The following OSBPL10 variants were observed in gnomAD, a reference collection of about 807,000 sequenced individuals.
OSBPL10 encodes oxysterol binding protein like 10.
Under a neutral mutation model 81.7 loss-of-function variants are expected in OSBPL10, and 49 were observed. The observed-to-expected ratio is 0.60, with a 90% CI of 0.48 to 0.76. The LOEUF is 0.76. Ranked by LOEUF, OSBPL10 falls within the 30% of genes least tolerant of loss-of-function variation. The pLI, the probability that OSBPL10 is intolerant of heterozygous loss-of-function variation, is 0.00. For synonymous variants in OSBPL10, 419 were observed against 383.6 expected, an observed-to-expected ratio of 1.09 and a Z score of -1.08; for missense variants, 923 against 987.8, an observed-to-expected ratio of 0.93 and a Z score of 0.88.
chr3:31,703,428 AAT>A (rs1303753219), intron 6 of OSBPL10, among the ~76,000 whole-genome samples: 1 of 152,218 alleles, frequency 6.6e-6, no homozygotes. Context: ...GGTCAGACAT[AAT>A]ATACAGAAAT....
At chr3:31,952,929 CTTTTT>C (rs57873437) in intron 1 of OSBPL10, among the ~76,000 whole-genome samples, 1 of 116,572 alleles carries the variant, frequency 8.6e-6, no homozygotes, top group African/African-American at 3.7e-5. Context: ...AATCTTCCTA[CTTTTT>C]TTTTTTTTTT....
intron 4 of OSBPL10, among the ~76,000 whole-genome samples, chr3:31,801,949 G>C (rs962922656): frequency 1.3e-5 from 2 of 151,872 alleles, no homozygotes; most frequent in African/African-American, 4.8e-5. Flanking sequence ...TCAGCCTCCT[G>C]AGTAGCTGGG....
At chr3:31,764,055 T>C (rs1698133735) in intron 4 of OSBPL10, among the ~76,000 whole-genome samples, 1 of 152,168 alleles carries the variant, frequency 6.6e-6, no homozygotes, top group Non-Finnish European at 1.5e-5. Flanking sequence ...CACACAAATA[T>C]GACACAGAAT....
chr3:31,975,944 A>T (rs1178833940), intron 1 of OSBPL10, among the ~76,000 whole-genome samples: 1 of 152,216 alleles, frequency 6.6e-6, no homozygotes, highest in East Asian at 1.9e-4. Context: ...GACCAAAAAA[A>T]GTAAAATATA....
intron 2 of OSBPL10, among the ~76,000 whole-genome samples, chr3:32,019,138 C>T (rs984928489): frequency 1.3e-5 from 2 of 152,186 alleles, no homozygotes; most frequent in Admixed American, 1.3e-4. Flanking sequence ...CCCACCCCCC[C>T]AAATTCCCTT....
At chr3:32,037,364 T>C (rs1200554767) in intron 2 of OSBPL10, among the ~76,000 whole-genome samples, 1 of 152,164 alleles carries the variant, frequency 6.6e-6, no homozygotes, top group South Asian at 2.1e-4. Context: ...GAAAGCCCAC[T>C]AAGGGCCAGG....
chr3:31,905,119 A>G (rs1696365432), intron 1 of OSBPL10, among the ~76,000 whole-genome samples: 1 of 152,218 alleles, frequency 6.6e-6, no homozygotes, highest in African/African-American at 2.4e-5. Flanking sequence ...TCTGTCAAAT[A>G]TTAATAACAT....
intron 1 of OSBPL10, among the ~76,000 whole-genome samples, chr3:31,978,991 A>G (rs1450106738): frequency 6.6e-6 from 1 of 152,226 alleles, no homozygotes; most frequent in Non-Finnish European, 1.5e-5. Context: ...CCCAGCAAGT[A>G]AATAATAAAA....
At position 31,876,529 on chromosome 3, in the gene OSBPL10, A is replaced by G; in HGVS notation, c.458-17T>C. 5.6e-6 allele frequency: 9 copies of G among 1,595,420 alleles called. No individual in the cohort carries two copies. Among genetic ancestry groups the G allele is most frequent in the Non-Finnish European group, 7.7e-6 (9 of 1,163,026 alleles). On this transcript the variant is annotated splice_polypyrimidine_tract_variant and intron_variant, in intron 2 of 11. Transcript: ENST00000396556. ...CATCAGCAGCTAAAATAGAGAAAAC[A>G]GAGAAAGAAATGATTGCAGAGATTG...
intron 2 of OSBPL10, among the ~76,000 whole-genome samples, chr3:32,033,480 G>T (rs997931112): frequency 6.6e-6 from 1 of 152,004 alleles, no homozygotes; most frequent in Non-Finnish European, 1.5e-5. Flanking sequence ...CTAGTAAAAG[G>T]GTGATATAAC....
chr3:32,048,605 C>A (rs1699644509), intron 1 of OSBPL10, among the ~76,000 whole-genome samples: 1 of 152,252 alleles, frequency 6.6e-6, no homozygotes, highest in African/African-American at 2.4e-5. Flanking sequence ...CCATGCCCAG[C>A]CTCTCTTAGA....
intron 1 of OSBPL10, among the ~76,000 whole-genome samples, chr3:31,955,828 C>T (rs1287626517): frequency 5.3e-5 from 8 of 152,240 alleles, no homozygotes. Flanking sequence ...CAGACACACT[C>T]ATGCAAGATC....
intron 4 of OSBPL10, among the ~76,000 whole-genome samples, chr3:31,765,373 C>G (rs968532867): frequency 1.3e-5 from 2 of 152,062 alleles, no homozygotes; most frequent in African/African-American, 4.8e-5. Context: ...GTTAATTTCT[C>G]TTGCCCTTAC....
At chr3:31,957,923 G>A (rs1291534452) in intron 1 of OSBPL10, among the ~76,000 whole-genome samples, 2 of 152,222 alleles carry the variant, frequency 1.3e-5, no homozygotes, top group Non-Finnish European at 2.9e-5. Flanking sequence ...ACAGGCGTGA[G>A]CCACCGCACC....
At chr3:31,819,892 G>C in intron 4 of OSBPL10, among the ~76,000 whole-genome samples, 1 of 152,308 alleles carries the variant, frequency 6.6e-6, no homozygotes, top group Non-Finnish European at 1.5e-5. Context: ...CTAAAGAGTA[G>C]AGCCAAGGCT....
chr3:31,683,380 ATGGGAAGGTCCAGG>A (rs569189548), intron 8 of OSBPL10, among the ~76,000 whole-genome samples: 13 of 152,332 alleles, frequency 8.5e-5, no homozygotes, highest in East Asian at 7.7e-4. Flanking sequence ...CGTGCACAGC[ATGGGAAGGTCCAGG>A]TGGGAAGGTC....
intron 3 of OSBPL10, among the ~76,000 whole-genome samples, chr3:31,869,209 G>C (rs1049024945): frequency 1.5e-4 from 23 of 150,686 alleles, no homozygotes; most frequent in South Asian, 2.1e-4. Context: ...TGAGGAGACA[G>C]AGGTTCAGAA....
intron 3 of OSBPL10, among the ~76,000 whole-genome samples, chr3:31,869,900 C>G (rs1427389465): frequency 6.6e-6 from 1 of 152,246 alleles, no homozygotes; most frequent in African/African-American, 2.4e-5. Flanking sequence ...GCCAACAGGC[C>G]AGTTCCTGAT....
chr3:31,767,268 T>C (rs1358469497), intron 4 of OSBPL10, among the ~76,000 whole-genome samples: 2 of 152,212 alleles, frequency 1.3e-5, no homozygotes, highest in African/African-American at 4.8e-5. Context: ...GAATAAGTTC[T>C]TCTCCCACGA....
Sources: gnomAD v4.1 joint callset for allele counts (sites outside exome capture counted in the v4.1 genomes callset) on GRCh38, gnomAD v4.1.1 for gene constraint, MANE v1.5 for transcripts, NCBI Gene and HGNC (gene_info 2026-07-23, HGNC 2026-07-21) for gene names.